URI1: variants seen among roughly 807,000 people sequenced by gnomAD.
URI1 encodes unconventional prefoldin RPB5 interactor 1.
In URI1, 39 loss-of-function variants were observed where a neutral mutation model predicts 60.2. The observed-to-expected ratio is 0.65, with a 90% CI of 0.50 to 0.85. URI1 has a LOEUF of 0.85. URI1 is among the 40% of genes least tolerant of loss of function. URI1 has a pLI of 0.00. For missense variants in URI1, 691 were observed against 665.9 expected (o/e 1.04, Z -0.42); for synonymous variants, 251 against 236.8 (o/e 1.06, Z -0.55).
chr19:29,944,004 T>C (rs561410157), intron 1 of URI1, among the ~76,000 whole-genome samples: 1 of 150,038 alleles, frequency 6.7e-6, no homozygotes, highest in African/African-American at 2.4e-5. Context: ...CGGGCCATGG[T>C]GGTGCACGCT....
In URI1 at chr19:30,014,957, A is replaced by G. The variant is rs140860233; in HGVS notation, c.1496A>G (p.His499Arg). Residue 499 changes from histidine (H) to arginine (R), a missense_variant, in exon 11 of 11, where the codon CAT becomes CGT. Physicochemically the swap from His to Arg is conservative, Grantham distance 29. Coordinates refer to ENST00000392271, the MANE Select transcript of URI1 (RefSeq NM_003796.3). ...TTAACACCACCCCCAGCCATTGCTC[A>G]TCCCGCACTACCCACTATTCCAGAA... ...PSLTPPPAIAHPALPTIPERK... is the reference protein window; with the variant it reads ...PSLTPPPAIARPALPTIPERK... 15 of 1,613,872 alleles carry G rather than the reference A, an allele frequency of 9.3e-6. No homozygotes were observed. The African/African-American group carries it at 1.7e-4, about 19-fold the overall frequency.
At chr19:29,985,673 G>T (rs1380272657) in intron 3 of URI1, among the ~76,000 whole-genome samples, 1 of 152,040 alleles carries the variant, frequency 6.6e-6, no homozygotes, top group African/African-American at 2.4e-5. Flanking sequence ...TTAGGACATT[G>T]ATTTTTATAT....
At chr19:29,927,051 A>G (rs1340307755) in intron 1 of URI1, among the ~76,000 whole-genome samples, 1 of 152,180 alleles carries the variant, frequency 6.6e-6, no homozygotes, top group Admixed American at 6.5e-5. Context: ...TGTGGAGGAC[A>G]GCCTGGGGTG....
chr19:29,967,661 G>A (rs2055406559), intron 1 of URI1, among the ~76,000 whole-genome samples: 1 of 152,188 alleles, frequency 6.6e-6, no homozygotes, highest in South Asian at 2.1e-4. Flanking sequence ...AGTGTTTTAA[G>A]ACTGCAGCTG....
At chr19:29,932,029 C>CT (rs2054925468) in intron 1 of URI1, among the ~76,000 whole-genome samples, 1 of 151,082 alleles carries the variant, frequency 6.6e-6, no homozygotes, top group Non-Finnish European at 1.5e-5. Flanking sequence ...TCTTTTCTAA[C>CT]TTGGCTGCCT....
chr19:30,008,717 T>A (rs2055975738), intron 7 of URI1, among the ~76,000 whole-genome samples: 1 of 152,114 alleles, frequency 6.6e-6, no homozygotes, highest in Non-Finnish European at 1.5e-5. Flanking sequence ...TTTATTATTA[T>A]TGATACTATA....
intron 4 of URI1, among the ~76,000 whole-genome samples, chr19:29,995,390 A>G (rs958943887): frequency 6.6e-6 from 1 of 151,638 alleles, no homozygotes; most frequent in Non-Finnish European, 1.5e-5. Flanking sequence ...ATGTCTATTC[A>G]AGTCTTTTGC....
rs202018051 is a variant in URI1 at position 29,964,459 on chromosome 19, G to GTT, written c.118-6731_118-6730dup. On this transcript the variant is annotated intron_variant, in intron 1 of 10. Transcript: ENST00000392271. ...GTGGTTTCTTTTGTTTTTGTTTTTTGTTTTGTTTTTTTTTTTTTTTTTGAG... is the reference window on the plus strand; with the variant it reads ...GTGGTTTCTTTTGTTTTTGTTTTTTGTTTTTTGTTTTTTTTTTTTTTTTTGAG... Among the ~76,000 whole-genome samples, 120 of 133,350 alleles carry GTT rather than the reference G, an allele frequency of 9.0e-4. 1 individual carries two copies. Among genetic ancestry groups the GTT allele is most frequent in the African/African-American group, 1.1e-3 (38 of 35,450 alleles). The allele number at this position is 133,350 out of a possible 152,430, so 87.5% of individuals were successfully genotyped here.
intron 6 of URI1, 69 bp downstream of exon 6, chr19:30,005,777 T>C: frequency 7.1e-7 from 1 of 1,402,564 alleles, no homozygotes; most frequent in Non-Finnish European, 9.8e-7. Context: ...TCAGTGGGCT[T>C]TCTGTGAGAT....
intron 1 of URI1, among the ~76,000 whole-genome samples, chr19:29,935,165 CCT>C (rs2054958251): frequency 6.6e-6 from 1 of 150,918 alleles, no homozygotes; most frequent in Non-Finnish European, 1.5e-5. Context: ...TTTTTCTTTC[CCT>C]GTCTGTATAT....
In URI1 at chr19:29,929,452, C is replaced by T. The variant is rs192671462; in HGVS notation, c.63+5698C>T. 5.9e-4 allele frequency among the ~76,000 whole-genome samples: 89 copies of T among 150,794 alleles called. No homozygotes were observed. The Middle Eastern group carries it at 0.01, about 17-fold the overall frequency. On this transcript the variant is annotated intron_variant, in intron 1 of 10. Transcript: ENST00000360605. The stretch of plus-strand genomic sequence containing the variant: ...TCTCTACTAAAAATACAAAAATTAG[C>T]GGGGTGTGGTGGCAGGTGCCTGTAA...
At chr19:29,962,106 G>A (rs1376828742) in intron 1 of URI1, among the ~76,000 whole-genome samples, 1 of 152,080 alleles carries the variant, frequency 6.6e-6, no homozygotes, top group African/African-American at 2.4e-5. Flanking sequence ...TTACATTCCC[G>A]GACAAATTCA....
chr19:30,011,164 G>T lies in URI1; in HGVS notation c.1106G>T (p.Arg369Leu), dbSNP rs771507685. The T allele has an allele frequency of 4.3e-6, 7 of 1,612,860 alleles. No individual in the cohort carries two copies. The highest frequency in any genetic ancestry group is 1.7e-6 in the Non-Finnish European group (2 of 1,179,586). Residue 369 changes from arginine (R) to leucine (L), a missense_variant, in exon 9 of 11, where the codon CGA becomes CTA. Arg to Leu is a moderately radical substitution (Grantham distance 102). Coordinates refer to ENST00000392271, the MANE Select transcript of URI1 (RefSeq NM_003796.3). ...AAGAAAGAAGAAGCCAAACGTAAAC[G>T]AAAGAACAGCACTGGCAGTGGCCAC... ...SEKKEEAKRK[R>L]KNSTGSGHSA...
At chr19:29,948,649 G>A (rs927789824) in intron 1 of URI1, among the ~76,000 whole-genome samples, 8 of 152,142 alleles carry the variant, frequency 5.3e-5, no homozygotes, top group East Asian at 1.9e-4. Flanking sequence ...CAGAGAGCAC[G>A]GGGCTGGGGG....
intron 1 of URI1, among the ~76,000 whole-genome samples, chr19:29,951,556 T>G (rs2055180265): frequency 6.6e-6 from 1 of 151,820 alleles, no homozygotes; most frequent in Non-Finnish European, 1.5e-5. Flanking sequence ...TGCATTCTTT[T>G]TTTTTTTTTT....
intron 2 of URI1, among the ~76,000 whole-genome samples, chr19:29,977,123 ATT>A (rs1269377361): frequency 6.6e-6 from 1 of 151,502 alleles, no homozygotes; most frequent in Non-Finnish European, 1.5e-5. Flanking sequence ...TGAAGATTTG[ATT>A]TTCTCTCTCT....
intron 7 of URI1, among the ~76,000 whole-genome samples, chr19:30,008,318 T>G (rs188164609): frequency 1.3e-5 from 2 of 152,158 alleles, no homozygotes; most frequent in African/African-American, 4.8e-5. Flanking sequence ...CATAAAAGTT[T>G]CTTTTTCCTA....
At chr19:29,970,733 CA>C (rs1218814215) in intron 1 of URI1, among the ~76,000 whole-genome samples, 2 of 151,902 alleles carry the variant, frequency 1.3e-5, no homozygotes, top group African/African-American at 4.8e-5. Context: ...ATAAAAATTA[CA>C]GGTGAAAATG....
At chr19:29,935,529 A>T (rs1195504829) in intron 1 of URI1, among the ~76,000 whole-genome samples, 1 of 152,064 alleles carries the variant, frequency 6.6e-6, no homozygotes, top group African/African-American at 2.4e-5. Context: ...ATGGCTTTGA[A>T]TTACTATCAA....
Sources: gnomAD v4.1 joint callset for allele counts (sites outside exome capture counted in the v4.1 genomes callset) on GRCh38, gnomAD v4.1.1 for gene constraint, MANE v1.5 for transcripts, NCBI Gene and HGNC (gene_info 2026-07-23, HGNC 2026-07-21) for gene names.